SEMA6D: variants seen among roughly 807,000 people sequenced by gnomAD.
The protein encoded by SEMA6D is semaphorin 6D, also known as semaphorin-6D.
In SEMA6D, 35 loss-of-function variants were observed where a neutral mutation model predicts 106.6. That is an observed-to-expected ratio of 0.33 (90% CI 0.25 to 0.44). The LOEUF (loss-of-function observed/expected upper bound fraction) is 0.44, where lower values mean the gene tolerates loss of function less well. Ranked by LOEUF, SEMA6D falls within the 20% of genes least tolerant of loss-of-function variation. The pLI, the probability that SEMA6D is intolerant of heterozygous loss-of-function variation, is 1.00. For synonymous variants in SEMA6D, 499 were observed against 487.7 expected, an observed-to-expected ratio of 1.02 and a Z score of -0.31; for missense variants, 1,185 against 1,345.9, an observed-to-expected ratio of 0.88 and a Z score of 1.87.
At chr15:47,449,665 G>A (rs779540028) in intron 2 of SEMA6D, among the ~76,000 whole-genome samples, 2 of 152,038 alleles carry the variant, frequency 1.3e-5, no homozygotes, top group South Asian at 2.1e-4. Context: ...GCTTCACATC[G>A]TACATGGAAT....
chr15:47,552,304 G>A (rs752056709), intron 3 of SEMA6D, among the ~76,000 whole-genome samples: 21 of 151,972 alleles, frequency 1.4e-4, no homozygotes, highest in Non-Finnish European at 2.4e-4. Flanking sequence ...TATGTACATG[G>A]GCAGAGACAA....
At chr15:47,612,451 G>A (rs74014030) in intron 4 of SEMA6D, among the ~76,000 whole-genome samples, 288 of 152,308 alleles carry the variant, frequency 1.9e-3, no homozygotes, top group African/African-American at 6.7e-3. Flanking sequence ...GAGTAATGCC[G>A]TTAAAAATCG....
chr15:47,255,197 C>A (rs2033739725), intron 1 of SEMA6D, among the ~76,000 whole-genome samples: 1 of 151,970 alleles, frequency 6.6e-6, no homozygotes, highest in African/African-American at 2.4e-5. Context: ...AAGGAACTTA[C>A]CAGTTTTTTC....
At chr15:47,469,231 G>A (rs530767696) in intron 2 of SEMA6D, among the ~76,000 whole-genome samples, 1 of 152,208 alleles carries the variant, frequency 6.6e-6, no homozygotes, top group Admixed American at 6.5e-5. Context: ...AACAGGCAGT[G>A]CACCCCCTTA....
chr15:47,373,690 T>C (rs73403049), intron 1 of SEMA6D, among the ~76,000 whole-genome samples: 2,174 of 152,324 alleles, frequency 0.014, 53 homozygotes, highest in African/African-American at 0.051. Flanking sequence ...CTGAATATTA[T>C]TATTTAATTT....
At chr15:47,184,851 G>A (rs566863921) in intron 1 of SEMA6D, among the ~76,000 whole-genome samples, 19 of 152,358 alleles carry the variant, frequency 1.2e-4, no homozygotes, top group Admixed American at 3.3e-4. Flanking sequence ...GTCGGCAGCC[G>A]GCTGAACCGC....
intron 3 of SEMA6D, among the ~76,000 whole-genome samples, chr15:47,470,761 GTAT>G (rs922519340): frequency 5.5e-5 from 8 of 144,756 alleles, no homozygotes; most frequent in Admixed American, 1.3e-4. Flanking sequence ...CAAACTACAA[GTAT>G]TATTATTATT....
intron 4 of SEMA6D, 41 bp from the exon 5 acceptor site, chr15:47,761,117 T>C (rs2082040606): frequency 6.2e-7 from 1 of 1,612,304 alleles, no homozygotes; most frequent in Non-Finnish European, 8.5e-7. Flanking sequence ...CCAAAAATGT[T>C]CGCAGTTAAA....
At chr15:47,629,996 T>C (rs2077266080) in intron 4 of SEMA6D, among the ~76,000 whole-genome samples, 1 of 151,972 alleles carries the variant, frequency 6.6e-6, no homozygotes, top group African/African-American at 2.4e-5. Flanking sequence ...TTGGAAATAG[T>C]GCTGTGATAA....
chr15:47,759,884 C>T lies in SEMA6D; in HGVS notation c.86C>T (p.Pro29Leu). 6.2e-7 allele frequency: 1 copy of T among 1,612,676 alleles called. No homozygotes were observed. The highest frequency in any genetic ancestry group is 8.5e-7 in the Non-Finnish European group (1 of 1,178,800). The change falls in exon 2 of 19, where the codon CCC (proline) becomes CTC (leucine). Residue 29 changes from proline to leucine, a missense_variant. Physicochemically the swap from Pro to Leu is moderately conservative, Grantham distance 98. Transcript: ENST00000536845. ...GTCAGCTTTCCTGAAGATGATGAAC[C>T]CCTTAATACTGTCGACTATCACTGT... is the stretch of plus-strand genomic sequence containing the variant. ...RAVSFPEDDE[P>L]LNTVDYHYSR...
At chr15:47,264,988 T>G (rs1333941144) in intron 1 of SEMA6D, among the ~76,000 whole-genome samples, 5 of 152,026 alleles carry the variant, frequency 3.3e-5, no homozygotes, top group Non-Finnish European at 7.4e-5. Context: ...ACACAATTCT[T>G]TAATATGTTC....
chr15:47,725,063 A>C (rs528168797), intron 1 of SEMA6D, among the ~76,000 whole-genome samples: 4 of 152,206 alleles, frequency 2.6e-5, no homozygotes, highest in African/African-American at 9.6e-5. Context: ...TGTAGATTCT[A>C]AAATAAAGAA....
chr15:47,264,377 G>A (rs1047745184), intron 1 of SEMA6D, among the ~76,000 whole-genome samples: 1 of 151,816 alleles, frequency 6.6e-6, no homozygotes, highest in East Asian at 1.9e-4. Flanking sequence ...GGTTTTTGGG[G>A]GACTTGTATT....
intron 2 of SEMA6D, among the ~76,000 whole-genome samples, chr15:47,460,898 G>A (rs1266196329): frequency 6.6e-6 from 1 of 151,992 alleles, no homozygotes; most frequent in Non-Finnish European, 1.5e-5. Flanking sequence ...CCTTGATCTT[G>A]TGAAATTACT....
intron 3 of SEMA6D, among the ~76,000 whole-genome samples, chr15:47,522,761 G>T (rs1467420007): frequency 6.6e-6 from 1 of 152,138 alleles, no homozygotes; most frequent in Non-Finnish European, 1.5e-5. Context: ...TAGAATCAGG[G>T]AAGGAAAGCA....
At chr15:47,645,279 AAGGCACC>A (rs751096113) in intron 4 of SEMA6D, among the ~76,000 whole-genome samples, 6 of 152,188 alleles carry the variant, frequency 3.9e-5, no homozygotes, top group Non-Finnish European at 7.3e-5. Flanking sequence ...TCCCTCTCTG[AAGGCACC>A]AGGGTGAGCA....
At chr15:47,565,212 C>T (rs1197950524) in intron 3 of SEMA6D, among the ~76,000 whole-genome samples, 4 of 152,236 alleles carry the variant, frequency 2.6e-5, no homozygotes, top group Non-Finnish European at 5.9e-5. Context: ...GAGTCACAGG[C>T]ACCCCATTAG....
At chr15:47,252,950 AT>A (rs960603154) in intron 1 of SEMA6D, among the ~76,000 whole-genome samples, 14 of 149,438 alleles carry the variant, frequency 9.4e-5, no homozygotes, top group East Asian at 5.9e-4. Context: ...TCTATTTTTA[AT>A]TTTTTTTTTA....
At chr15:47,534,714 C>T (rs896580011) in intron 3 of SEMA6D, among the ~76,000 whole-genome samples, 8 of 152,014 alleles carry the variant, frequency 5.3e-5, no homozygotes, top group Admixed American at 1.3e-4. Context: ...AAGAAGTTTC[C>T]TACATGGAAG....
Sources: allele counts gnomAD v4.1 joint callset (sites outside exome capture counted in the v4.1 genomes callset), GRCh38; gene constraint gnomAD v4.1.1; transcripts MANE v1.5; gene names NCBI Gene and HGNC (gene_info 2026-07-23, HGNC 2026-07-21).